Variants in KCNN3 observed in about 807,000 individuals in gnomAD.
KCNN3 encodes small conductance calcium-activated potassium channel protein 3.
KCNN3 carries 16 observed loss-of-function variants against 62.9 expected under a neutral mutation model. The ratio of observed to expected loss-of-function variants is 0.25; its 90% CI spans 0.17 to 0.39. The LOEUF is 0.39. Ranked by LOEUF, KCNN3 falls within the 10% of genes least tolerant of loss-of-function variation. The pLI is 1.00. For missense variants in KCNN3, 599 were observed against 949.4 expected, an observed-to-expected ratio of 0.63 and a Z score of 4.85; for synonymous variants, 370 against 389.2, an observed-to-expected ratio of 0.95 and a Z score of 0.58.
intron 2 of KCNN3, among the ~76,000 whole-genome samples, chr1:154,785,042 T>G (rs1005725840): frequency 1.3e-5 from 2 of 152,232 alleles, no homozygotes; most frequent in Non-Finnish European, 2.9e-5. Flanking sequence ...TGTTTCTGGT[T>G]CTTTGTGTGC....
intron 3 of KCNN3, among the ~76,000 whole-genome samples, chr1:154,756,487 C>G (rs901995816): frequency 6.6e-6 from 1 of 152,092 alleles, no homozygotes; most frequent in African/African-American, 2.4e-5. Context: ...CTGCCACACC[C>G]CCCTTCATCT....
At position 154,772,081 on chromosome 1, in the gene KCNN3, G is replaced by A. The variant is rs1172301675; in HGVS notation, c.1342C>T (p.Arg448Cys). The change falls in exon 3 of 8, where the codon CGC (arginine) becomes TGC (cysteine). Residue 448 changes from arginine to cysteine, a missense_variant. By Grantham distance (180) the Arg-to-Cys change is radical. Around this residue, in one of 7 missense-constraint regions of KCNN3, gnomAD observed 288 missense variants for 557.4 expected, o/e 0.52. Coordinates refer to ENST00000271915, the MANE Select transcript of KCNN3 (RefSeq NM_002249.6). The surrounding 1 kb of genome is among the most constrained non-coding windows in gnomAD (Gnocchi z 5.6). ...GTCATGAGCGTCTTCATGACAAAGCGGGTGTTGAAGTTGATCTTGTTGAGG... is the reference window on the plus strand; with the variant it reads ...GTCATGAGCGTCTTCATGACAAAGCAGGTGTTGAAGTTGATCTTGTTGAGG... ...GALNKINFNT[R>C]FVMKTLMTIC... The A allele has an allele frequency of 1.2e-6, 2 of 1,614,084 alleles. No homozygotes were observed. The highest frequency in any genetic ancestry group is 2.2e-5 in the East Asian group (1 of 44,898).
intron 2 of KCNN3, among the ~76,000 whole-genome samples, chr1:154,808,664 G>A (rs563914687): frequency 1.3e-5 from 2 of 152,142 alleles, no homozygotes; most frequent in South Asian, 4.2e-4. Flanking sequence ...CCTCAGGGGA[G>A]AGAATAGTTG....
intron 1 of KCNN3, among the ~76,000 whole-genome samples, chr1:154,859,128 GAGAAGGTAACATCACCCATGC>G (rs1380824718): frequency 6.6e-6 from 1 of 152,362 alleles, no homozygotes; most frequent in African/African-American, 2.4e-5. Flanking sequence ...CTCACCTTGG[GAGAAGGTAACATCACCCATGC>G]AGGCAGCTCC....
chr1:154,756,642 C>T (rs1205300753), intron 3 of KCNN3, among the ~76,000 whole-genome samples: 1 of 152,170 alleles, frequency 6.6e-6, no homozygotes, highest in African/African-American at 2.4e-5. Context: ...TCAGCTGAAG[C>T]ATCACCTCCC....
chr1:154,756,432 G>A (rs1194982344), intron 3 of KCNN3, among the ~76,000 whole-genome samples: 1 of 152,160 alleles, frequency 6.6e-6, no homozygotes. Flanking sequence ...ATGGCACTCA[G>A]GGCCCTTCAC....
intron 3 of KCNN3, chr1:154,737,136 A>G (rs1357475935): frequency 8.9e-6 from 6 of 670,502 alleles, no homozygotes; most frequent in Non-Finnish European, 1.4e-5. Context: ...CCTATTCACA[A>G]TTTTAGAGCG....
chr1:154,859,593 C>T, intron 1 of KCNN3: 1 of 1,172,828 alleles, frequency 8.5e-7, no homozygotes, highest in East Asian at 2.3e-5. Context: ...CCCCTCAGCT[C>T]AAAGCCACTG....
chr1:154,723,613 T>G (rs1187196313), intron 5 of KCNN3, among the ~76,000 whole-genome samples: 1 of 152,202 alleles, frequency 6.6e-6, no homozygotes, highest in Non-Finnish European at 1.5e-5. Context: ...TCTGATCTAC[T>G]TGGTGAAAAA....
intron 3 of KCNN3, among the ~76,000 whole-genome samples, chr1:154,769,990 A>G (rs116173317): frequency 7.2e-5 from 11 of 152,370 alleles, no homozygotes; most frequent in African/African-American, 2.6e-4. Flanking sequence ...TGAGGTCCAG[A>G]GAGGTGAAGC....
chr1:154,767,777 C>T (rs1020195434), intron 3 of KCNN3, among the ~76,000 whole-genome samples: 7 of 152,232 alleles, frequency 4.6e-5, no homozygotes, highest in Non-Finnish European at 1.0e-4. Flanking sequence ...CCAAGGAAAA[C>T]AAGCCCACTG....
intron 3 of KCNN3, among the ~76,000 whole-genome samples, chr1:154,759,246 G>A (rs917088114): frequency 7.9e-5 from 12 of 152,228 alleles, no homozygotes; most frequent in African/African-American, 1.2e-4. Context: ...GAAGAGCTGC[G>A]CTCCTGAGAG....
chr1:154,736,089 G>A (rs993515286), intron 3 of KCNN3, among the ~76,000 whole-genome samples: 1 of 152,220 alleles, frequency 6.6e-6, no homozygotes, highest in Non-Finnish European at 1.5e-5. Context: ...TCTTGGGCTG[G>A]GCTGGGCTTG....
chr1:154,814,629 C>G (rs1650582165), intron 2 of KCNN3, among the ~76,000 whole-genome samples: 1 of 152,188 alleles, frequency 6.6e-6, no homozygotes, highest in Non-Finnish European at 1.5e-5. Flanking sequence ...GATGTGAAAA[C>G]CCTCTAAAAA....
At chr1:154,812,602 G>A (rs1650461127) in intron 2 of KCNN3, among the ~76,000 whole-genome samples, 1 of 152,226 alleles carries the variant, frequency 6.6e-6, no homozygotes, top group Admixed American at 6.5e-5. Context: ...CTTTGGAGAA[G>A]TGGGAGTGCG....
chr1:154,820,381 T>C (rs12024966), intron 2 of KCNN3, among the ~76,000 whole-genome samples: 23,368 of 152,294 alleles, frequency 0.15, 2,261 homozygotes, highest in Non-Finnish European at 0.22. Context: ...ACAGCTCCTC[T>C]TCTTCCCCTT....
chr1:154,744,947 C>T (rs1027958219), intron 3 of KCNN3, among the ~76,000 whole-genome samples: 4 of 143,698 alleles, frequency 2.8e-5, no homozygotes, highest in African/African-American at 5.2e-5. Context: ...AAAAATAGTT[C>T]GTTCTTTTCT....
intron 2 of KCNN3, among the ~76,000 whole-genome samples, 187 bp downstream of exon 2, chr1:154,821,902 C>A (rs1006811890): frequency 6.6e-6 from 1 of 152,236 alleles, no homozygotes; most frequent in Non-Finnish European, 1.5e-5. Context: ...AGCCACAGGG[C>A]GGCCTCGCAG....
intron 1 of KCNN3, among the ~76,000 whole-genome samples, chr1:154,832,651 G>C (rs1651421138): frequency 6.6e-6 from 1 of 152,160 alleles, no homozygotes. Context: ...GTGCTTTCTG[G>C]ATGGCTTGCT....
Sources: gnomAD v4.1 joint callset for allele counts (sites outside exome capture counted in the v4.1 genomes callset) on GRCh38, gnomAD v4.1.1 for gene constraint, gnomAD v4.1.1 regional missense constraint, Gnocchi (gnomAD v3.1) non-coding constraint, MANE v1.5 for transcripts, NCBI Gene and HGNC (gene_info 2026-07-23, HGNC 2026-07-21) for gene names.